Variants in STRC observed in about 807,000 individuals in gnomAD.
STRC encodes stereocilin.
A neutral mutation model predicts 103.5 loss-of-function variants in STRC; 43 were observed. That is an observed-to-expected ratio of 0.42 (90% CI 0.33 to 0.54). The LOEUF (loss-of-function observed/expected upper bound fraction) is 0.54. Ranked by LOEUF, STRC falls within the 20% of genes least tolerant of loss-of-function variation. The pLI is 0.14. For missense variants in STRC, 499 were observed against 1,088.5 expected, an observed-to-expected ratio of 0.46 and a Z score of 7.62; for synonymous variants, 186 against 442.3, an observed-to-expected ratio of 0.42 and a Z score of 7.27.
At position 43,603,114 on chromosome 15, in the gene STRC, C is replaced by T. The variant is rs577411121; in HGVS notation, c.4545+128G>A. ...TCTCCCTTCACCTCCTACTTGTGAC[C>T]CAAATCTTCTAACTCTTCTATCTCT... is the stretch of plus-strand genomic sequence containing the variant. On this transcript the variant is annotated intron_variant, in intron 23 of 28. Coordinates refer to ENST00000450892, the MANE Select transcript of STRC (RefSeq NM_153700.2). 2.7e-5 allele frequency: 28 copies of T among 1,026,948 alleles called. No individual in the cohort carries two copies. In the South Asian group the frequency reaches 2.7e-4, roughly 10 times the overall value. 63.6% of individuals were successfully genotyped at this position (1,026,948 alleles called of 1,614,324 possible). A position where few individuals can be genotyped will look rare whatever the true frequency, so the allele number is the denominator to read the frequency against.
rs1342085587 is a variant in STRC at position 43,603,852 on chromosome 15, A to G, written c.4375+144T>C. ...CCCAGAACTACAGAATTCTAGAACT[A>G]CAAGAGGCTTGAAGATCATCCCTCT... is the stretch of plus-strand genomic sequence containing the variant. On this transcript the variant is annotated intron_variant, in intron 22 of 28. Transcript: ENST00000450892. 1.0e-5 allele frequency: 15 copies of G among 1,468,480 alleles called. No individual in the cohort carries two copies. The East Asian group carries it at 2.7e-4, about 26-fold the overall frequency. The allele number at this position is 1,468,480 out of a possible 1,614,324, so 91.0% of individuals were successfully genotyped here.
rs747328829 is a variant in STRC at position 43,604,607 on chromosome 15, G to T, written c.4127+43C>A. ...ACTGATGATGGTGGCTGAGGGACTG[G>T]GTATAGAATGAGTTAGAATCTGAAG... On this transcript the variant is annotated intron_variant, in intron 20 of 28. Transcript: ENST00000450892. 1.1e-5 allele frequency: 18 copies of T among 1,612,846 alleles called. No homozygotes were observed. The African/African-American group carries it at 2.4e-4, about 22-fold the overall frequency.
chr15:43,601,486 AC>A lies in STRC; in HGVS notation c.4610del (p.Gly1537ValfsTer2), dbSNP rs2085668110. On this transcript the variant is annotated frameshift_variant, in exon 24 of 29. Coordinates refer to ENST00000450892, the MANE Select transcript of STRC (RefSeq NM_153700.2). LOFTEE classifies it high-confidence loss of function. Reference protein sequence around the residue: ...QILQLGRLLIGLGDRELQELI... With the variant: ...QILQLGRLLIXLGDRELQELI... ...GCTCCTGTAGTTCCCGATCTCCTAG[AC>A]CTATTAAGAGCCTACCAAGCTGCAG... 6.2e-7 allele frequency: 1 copy of A among 1,613,596 alleles called. No individual in the cohort carries two copies. The highest frequency in any genetic ancestry group is 1.3e-5 in the African/African-American group (1 of 74,780).
intron 19 of STRC, 169 bp downstream of exon 19, chr15:43,605,095 T>A: frequency 7.6e-7 from 1 of 1,319,236 alleles, no homozygotes; most frequent in Non-Finnish European, 1.1e-6. Flanking sequence ...AAGCATATTA[T>A]CAAGGAACAG....
intron 25 of STRC, 88 bp downstream of exon 25, chr15:43,600,784 C>G: frequency 6.2e-7 from 1 of 1,613,014 alleles, no homozygotes; most frequent in Non-Finnish European, 8.5e-7. Context: ...TTCCCTTCCT[C>G]CATGGGACCA....
chr15:43,611,054 G>A (rs992293549), intron 13 of STRC, 70 bp from the exon 14 acceptor site: 62 of 1,577,892 alleles, frequency 3.9e-5, no homozygotes, highest in Non-Finnish European at 5.0e-5. Context: ...GGGGAGGTAT[G>A]AAAGGCCTTC....
At position 43,605,296 on chromosome 15, in the gene STRC, C is replaced by T. The variant is rs2085703837; in HGVS notation, c.3898G>A (p.Ala1300Thr). ...TGTAGTGCCCTCTCTGCCAGGGCTGCCTGGTGGAGGGGGGTCAGTGCCAGC... is the reference window on the plus strand; with the variant it reads ...TGTAGTGCCCTCTCTGCCAGGGCTGTCTGGTGGAGGGGGGTCAGTGCCAGC... ...QLLALTPLHQ[A>T]ALAERALQNL... The change falls in exon 19 of 29, where the codon GCA (alanine) becomes ACA (threonine). Residue 1300 changes from alanine to threonine, a missense_variant. Physicochemically the swap from Ala to Thr is moderately conservative, Grantham distance 58. Transcript: ENST00000450892. 2 of 1,591,778 alleles carry T rather than the reference C, an allele frequency of 1.3e-6. No homozygotes were observed. Among genetic ancestry groups the T allele is most frequent in the Admixed American group, 3.5e-5 (2 of 56,416 alleles).
chr15:43,600,705 G>C lies in STRC; in HGVS notation c.4845-23C>G, dbSNP rs778993261. 2.5e-5 allele frequency: 40 copies of C among 1,612,954 alleles called. 2 individuals are homozygous for C. The South Asian group carries it at 3.2e-4, about 13-fold the overall frequency. ...TGGCTGTAGAACAGTAGGAAGGAAG[G>C]AAGAAGAATTCGGCTTCAGTGAAAG... is the stretch of plus-strand genomic sequence containing the variant. On this transcript the variant is annotated intron_variant, in intron 25 of 28. Transcript: ENST00000450892.
chr15:43,604,944 G>C (rs1000649586), intron 19 of STRC, 98 bp from the exon 20 acceptor site: 1 of 1,516,456 alleles, frequency 6.6e-7, no homozygotes, highest in African/African-American at 1.4e-5. Flanking sequence ...CCTCCCTCCT[G>C]CTCCCAGCTC....
At chr15:43,602,949 C>T (rs767169370) in intron 23 of STRC, among the ~76,000 whole-genome samples, 3 of 151,464 alleles carry the variant, frequency 2.0e-5, no homozygotes, top group South Asian at 2.1e-4. Flanking sequence ...CCAGCCGAAG[C>T]ATGCCATTAT....
At chr15:43,602,763 GC>G (rs2085680900) in intron 23 of STRC, 3 of 181,578 alleles carry the variant, frequency 1.7e-5, no homozygotes, top group South Asian at 2.2e-4. Context: ...TCCTGCCTCA[GC>G]CTCCCAAGTA....
intron 21 of STRC, 69 bp downstream of exon 21, chr15:43,604,292 C>T (rs1292278311): frequency 6.9e-6 from 11 of 1,592,106 alleles, no homozygotes; most frequent in African/African-American, 5.4e-5. Flanking sequence ...TCTTTGGCCA[C>T]GGGTCCCCAT....
chr15:43,603,117 A>C, intron 23 of STRC, 125 bp downstream of exon 23: 1 of 1,062,954 alleles, frequency 9.4e-7, no homozygotes, highest in Non-Finnish European at 1.4e-6. Context: ...TTGTGACCCA[A>C]ATCTTCTAAC....
intron 22 of STRC, 126 bp from the exon 23 acceptor site, chr15:43,603,537 G>T: frequency 9.9e-7 from 1 of 1,014,494 alleles, no homozygotes; most frequent in Non-Finnish European, 1.5e-6. Flanking sequence ...GGGATCAAAG[G>T]AGTATTACAG....
intron 19 of STRC, 188 bp downstream of exon 19, chr15:43,605,076 A>G: frequency 1.9e-6 from 2 of 1,039,686 alleles, no homozygotes; most frequent in Non-Finnish European, 2.9e-6. Context: ...GGTATGGACA[A>G]GTAACGTGAA....
chr15:43,605,127 C>G, intron 19 of STRC, 137 bp downstream of exon 19: 1 of 1,531,908 alleles, frequency 6.5e-7, no homozygotes, highest in Non-Finnish European at 8.8e-7. Context: ...AAAACAGGGG[C>G]CAGGCCTTGT....
At chr15:43,601,150 G>A (rs1205087196) in intron 24 of STRC, 136 bp from the exon 25 acceptor site, 2 of 853,698 alleles carry the variant, frequency 2.3e-6, no homozygotes, top group Non-Finnish European at 3.6e-6. Context: ...TGAGGACTCA[G>A]AAAAGAAAAG....
At chr15:43,601,593 A>G in intron 23 of STRC, 42 bp from the exon 24 acceptor site, 3 of 1,603,280 alleles carry the variant, frequency 1.9e-6, no homozygotes, top group Non-Finnish European at 2.6e-6. Context: ...AAAGCAGTGG[A>G]TTGGGAGTCA....
chr15:43,603,159 C>A, intron 23 of STRC, 83 bp downstream of exon 23: 1 of 1,481,060 alleles, frequency 6.8e-7, no homozygotes, highest in East Asian at 2.3e-5. Context: ...CACCTCTCAT[C>A]CAACTCTCCA....
Sources: gnomAD v4.1 joint callset for allele counts (sites outside exome capture counted in the v4.1 genomes callset) on GRCh38, gnomAD v4.1.1 for gene constraint, MANE v1.5 for transcripts, NCBI Gene and HGNC (gene_info 2026-07-23, HGNC 2026-07-21) for gene names.